Variants in MAML1 observed in about 807,000 individuals in gnomAD.
MAML1 encodes the protein mastermind like transcriptional coactivator 1.
MAML1 carries 14 observed loss-of-function variants against 77.1 expected under a neutral mutation model. That is an observed-to-expected ratio of 0.18 (90% confidence interval 0.12 to 0.28). The LOEUF is 0.28. MAML1 is among the 10% of genes least tolerant of loss of function. MAML1 has a pLI of 1.00. For missense variants in MAML1, 1,217 were observed against 1,327.8 expected (o/e 0.92, Z 1.30); for synonymous variants, 516 against 551.9 (o/e 0.93, Z 0.91).
chr5:179,776,008 T>G lies in MAML1; in HGVS notation c.*1131T>G. ...TCCCATGTCAGATGACTTGCACTTC[T>G]TAAAGAGATTGCTTTATAACACTAA... On this transcript the variant is annotated 3_prime_UTR_variant, in exon 5 of 5. Transcript: ENST00000292599. 3.0e-6 allele frequency: 3 copies of G among 985,836 alleles called. No individual in the cohort carries two copies. Among genetic ancestry groups the G allele is most frequent in the Non-Finnish European group, 3.6e-6 (3 of 829,942 alleles). 61.1% of individuals were successfully genotyped at this position (985,836 alleles called of 1,614,324 possible). A position where few individuals can be genotyped will look rare whatever the true frequency, so the allele number is the denominator to read the frequency against.
At position 179,776,568 on chromosome 5, in the gene MAML1, G is replaced by T; in HGVS notation, c.*1691G>T. The T allele has an allele frequency of 7.1e-6, 7 of 985,662 alleles. No individual in the cohort carries two copies. Among genetic ancestry groups the T allele is most frequent in the Non-Finnish European group, 8.4e-6 (7 of 829,944 alleles). 61.1% of individuals were successfully genotyped at this position (985,662 alleles called of 1,614,324 possible). A position where few individuals can be genotyped will look rare whatever the true frequency, so the allele number is the denominator to read the frequency against. Reference sequence around the variant, plus strand: ...AAAGAAGGGGTGAATCATAAAGCCAGTGAAAATTTCACCCTCTGAGGGAGT... The same window carrying T: ...AAAGAAGGGGTGAATCATAAAGCCATTGAAAATTTCACCCTCTGAGGGAGT... On this transcript the variant is annotated 3_prime_UTR_variant, in exon 5 of 5. Coordinates refer to ENST00000292599, the MANE Select transcript of MAML1 (RefSeq NM_014757.5).
intron 1 of MAML1, among the ~76,000 whole-genome samples, chr5:179,750,000 C>T (rs906936940): frequency 1.2e-4 from 18 of 152,352 alleles, no homozygotes; most frequent in East Asian, 1.9e-4. Context: ...TGTCAGCTCC[C>T]GGAGAAGCAG....
intron 1 of MAML1, among the ~76,000 whole-genome samples, chr5:179,741,683 CAAAAAAAA>C (rs10617185): frequency 2.2e-5 from 2 of 89,286 alleles, no homozygotes; most frequent in Admixed American, 1.3e-4. Flanking sequence ...GAGACTGTCT[CAAAAAAAA>C]AAAAAAAAAA....
chr5:179,752,198 C>T (rs1264377370), intron 1 of MAML1, among the ~76,000 whole-genome samples: 4 of 150,698 alleles, frequency 2.7e-5, no homozygotes, highest in Admixed American at 2.0e-4. Flanking sequence ...TGGTGGCGCA[C>T]GCCTGTAGTC....
Position 179,733,076 on chromosome 5 carries a change from G to T in MAML1, c.-37G>T, listed in dbSNP as rs1323524227. 2 of 1,254,818 alleles carry T rather than the reference G, an allele frequency of 1.6e-6. No homozygotes were observed. The highest frequency in any genetic ancestry group is 1.0e-6 in the Non-Finnish European group (1 of 994,772). The allele number at this position is 1,254,818 out of a possible 1,614,324, so 77.7% of individuals were successfully genotyped here. On this transcript the variant is annotated 5_prime_UTR_variant, in exon 1 of 5. Coordinates refer to ENST00000292599, the MANE Select transcript of MAML1 (RefSeq NM_014757.5). ...CCGCAGTGCCAGCCGGCCCCGAGAG[G>T]CCCGGCCCCGGGCCCGGCCCGTGCA...
intron 1 of MAML1, among the ~76,000 whole-genome samples, chr5:179,755,037 C>T (rs1779583693): frequency 6.6e-6 from 1 of 152,120 alleles, no homozygotes; most frequent in Admixed American, 6.6e-5. Flanking sequence ...GAAAGAGAGG[C>T]ATATTTAAGG....
rs895205006 is a variant in MAML1, at chr5:179,777,023, C to T, written c.*2146C>T. ...AATTTTATATGAAAGATGGAATAAG[C>T]GCTAGAGCTTCCAACTGTATATTTT... On this transcript the variant is annotated 3_prime_UTR_variant, in exon 5 of 5. Transcript: ENST00000292599. 4.2e-5 allele frequency: 41 copies of T among 984,134 alleles called. No homozygotes were observed. The African/African-American group carries it at 6.6e-4, about 16-fold the overall frequency. 61.0% of individuals were successfully genotyped at this position (984,134 alleles called of 1,614,324 possible).
chr5:179,760,193 C>G (rs1277240741), intron 1 of MAML1, among the ~76,000 whole-genome samples: 1 of 152,070 alleles, frequency 6.6e-6, no homozygotes, highest in Admixed American at 6.6e-5. Context: ...TTCACAGACA[C>G]TTATCAAGTG....
At position 179,776,608 on chromosome 5, in the gene MAML1, G is replaced by T; in HGVS notation, c.*1731G>T. 1 of 985,656 alleles carries T rather than the reference G, an allele frequency of 1.0e-6. No homozygotes were observed. 61.1% of individuals were successfully genotyped at this position (985,656 alleles called of 1,614,324 possible). ...TCTGAGGGAGTTCCCCAATCTGAAG[G>T]GGAAGAGGGTGACCTCAGCGGCTTT... On this transcript the variant is annotated 3_prime_UTR_variant, in exon 5 of 5. Coordinates refer to ENST00000292599, the MANE Select transcript of MAML1 (RefSeq NM_014757.5).
At position 179,776,726 on chromosome 5, in the gene MAML1, G is replaced by A. The variant is rs1337686937; in HGVS notation, c.*1849G>A. The A allele has an allele frequency of 1.0e-6, 1 of 985,918 alleles. No homozygotes were observed. The allele number at this position is 985,918 out of a possible 1,614,324, so 61.1% of individuals were successfully genotyped here. On this transcript the variant is annotated 3_prime_UTR_variant, in exon 5 of 5. Transcript: ENST00000292599. ...CCCCGTCTCCCACCCCTGTCCCCGGGGCTCGCTGGCCCTGCACTCCGCCTT... is the reference window on the plus strand; with the variant it reads ...CCCCGTCTCCCACCCCTGTCCCCGGAGCTCGCTGGCCCTGCACTCCGCCTT...
At chr5:179,752,344 A>ATATATATATATATATATATATATAT (rs1292142222) in intron 1 of MAML1, among the ~76,000 whole-genome samples, 2 of 93,248 alleles carry the variant, frequency 2.1e-5, no homozygotes, top group Non-Finnish European at 4.1e-5. Context: ...AAAAAAAAAA[A>ATATATATATATATATATATATATAT]AAAAAAATAT....
At chr5:179,752,322 C>A (rs1329547121) in intron 1 of MAML1, among the ~76,000 whole-genome samples, 1 of 24,860 alleles carries the variant, frequency 4.0e-5, no homozygotes, top group Non-Finnish European at 8.1e-5. Flanking sequence ...TAGACTCTGT[C>A]TCCAAAAAAA....
At position 179,774,555 on chromosome 5, in the gene MAML1, A is replaced by C. The variant is rs1303908699; in HGVS notation, c.2729A>C (p.Gln910Pro). The change falls in exon 5 of 5, where the codon CAG (glutamine) becomes CCG (proline). Residue 910 changes from glutamine (Q) to proline (P), a missense_variant. Transcript: ENST00000292599. ...TTGCTACCCCCAGTGAGTGCACAGC[A>C]GAGGACCAGCGCCCCTGCCCCAGCA... ...GSLLPPVSAQ[Q>P]RTSAPAPAPP... The C allele has an allele frequency of 1.2e-6, 2 of 1,612,908 alleles. No individual in the cohort carries two copies. Among genetic ancestry groups the C allele is most frequent in the South Asian group, 2.2e-5 (2 of 91,068 alleles).
chr5:179,770,956 A>C, intron 3 of MAML1, 191 bp from the exon 4 acceptor site: 2 of 528,758 alleles, frequency 3.8e-6, no homozygotes, highest in Non-Finnish European at 3.4e-6. Flanking sequence ...CTACCTTTTA[A>C]AAAAGTCATT....
In MAML1 at chr5:179,766,040, T is replaced by C; in HGVS notation, c.1030T>C (p.Ser344Pro). ...TACAGATTCCCCCAGCCTAGGGGGC[T>C]CCCAAACCTTATTCCACACCTCTGG... ...VSTDSPSLGG[S>P]QTLFHTSGQP... is the part of the protein sequence containing the mutation. Residue 344 changes from serine to proline, a missense_variant, in exon 2 of 5, where the codon TCC becomes CCC. Ser to Pro is a moderately conservative substitution (Grantham distance 74, BLOSUM62 -1). Around this residue, in one of 3 missense-constraint regions of MAML1, gnomAD observed 884 missense variants for 949.3 expected, o/e 0.93. Coordinates refer to ENST00000292599, the MANE Select transcript of MAML1 (RefSeq NM_014757.5). The surrounding 1 kb of genome is among the most constrained non-coding windows in gnomAD (Gnocchi z 4.0). 1 of 1,589,292 alleles carries C rather than the reference T, an allele frequency of 6.3e-7. No individual in the cohort carries two copies. Among genetic ancestry groups the C allele is most frequent in the Non-Finnish European group, 8.5e-7 (1 of 1,169,846 alleles).
At chr5:179,747,517 A>C (rs1447654975) in intron 1 of MAML1, among the ~76,000 whole-genome samples, 1 of 152,226 alleles carries the variant, frequency 6.6e-6, no homozygotes, top group Non-Finnish European at 1.5e-5. Context: ...AGCCTTAAAA[A>C]GGAAGGAAAT....
chr5:179,738,223 TCTCA>T (rs1180892684), intron 1 of MAML1, among the ~76,000 whole-genome samples: 1 of 152,128 alleles, frequency 6.6e-6, no homozygotes, highest in Non-Finnish European at 1.5e-5. Context: ...TTTCTCTCTC[TCTCA>T]GACTTTTATT....
chr5:179,770,176 C>T (rs964009156), intron 3 of MAML1, among the ~76,000 whole-genome samples: 2 of 152,154 alleles, frequency 1.3e-5, no homozygotes, highest in African/African-American at 4.8e-5. Context: ...GGGCTGGGCG[C>T]AGTGGCTCAC....
At chr5:179,752,838 A>G (rs1779521834) in intron 1 of MAML1, among the ~76,000 whole-genome samples, 1 of 151,872 alleles carries the variant, frequency 6.6e-6, no homozygotes, top group African/African-American at 2.4e-5. Flanking sequence ...CAGTGGTGCA[A>G]TCTCGGCTCA....
Sources: gnomAD v4.1 joint callset for allele counts (sites outside exome capture counted in the v4.1 genomes callset) on GRCh38, gnomAD v4.1.1 for gene constraint, gnomAD v4.1.1 regional missense constraint, Gnocchi (gnomAD v3.1) non-coding constraint, MANE v1.5 for transcripts, NCBI Gene and HGNC (gene_info 2026-07-23, HGNC 2026-07-21) for gene names.